The following AKAP9 variants were observed in gnomAD, a reference collection of about 807,000 sequenced individuals.
The protein encoded by AKAP9 is A-kinase anchor protein 9.
In AKAP9, 311 loss-of-function variants were observed where a neutral mutation model predicts 488.5. That is an observed-to-expected ratio of 0.64 (90% confidence interval 0.58 to 0.70). The LOEUF (loss-of-function observed/expected upper bound fraction) is 0.70. Among genes scored for constraint, AKAP9 ranks in the 30% least tolerant of loss-of-function variants. AKAP9 has a pLI of 0.00. For synonymous variants in AKAP9, 1,462 were observed against 1,483.5 expected (o/e 0.99, Z 0.33); for missense variants, 4,215 against 4,374.5 (o/e 0.96, Z 1.03).
At chr7:91,941,469 A>C (rs559014301) in intron 1 of AKAP9, among the ~76,000 whole-genome samples, 2 of 151,796 alleles carry the variant, frequency 1.3e-5, no homozygotes, top group Admixed American at 6.6e-5. Context: ...CCGATCTTTC[A>C]TTTTTTTAAG....
At chr7:92,100,729 T>C in intron 44 of AKAP9, 127 bp from the exon 45 acceptor site, 1 of 1,015,534 alleles carries the variant, frequency 9.8e-7, no homozygotes, top group Non-Finnish European at 1.5e-6. Context: ...TCAATTGAGA[T>C]TGGCTTTGAA....
intron 1 of AKAP9, among the ~76,000 whole-genome samples, chr7:91,966,287 C>G (rs1271719466): frequency 6.6e-6 from 1 of 152,060 alleles, no homozygotes; most frequent in African/African-American, 2.4e-5. Context: ...AGACCAATGT[C>G]CTAGAGTATT....
At chr7:92,109,200 T>C (rs1584611622) in intron 49 of AKAP9, 1 of 198,494 alleles carries the variant, frequency 5.0e-6, no homozygotes, top group African/African-American at 2.3e-5. Context: ...TTTAAAATAC[T>C]TTGTAAGGAT....
chr7:92,039,415 A>T, intron 17 of AKAP9, among the ~76,000 whole-genome samples: 1 of 152,228 alleles, frequency 6.6e-6, no homozygotes, highest in East Asian at 1.9e-4. Flanking sequence ...ATCTGTGAAT[A>T]AAAGATTTGC....
chr7:92,071,833 C>T (rs1563088485), intron 28 of AKAP9, among the ~76,000 whole-genome samples: 1 of 152,030 alleles, frequency 6.6e-6, no homozygotes, highest in Non-Finnish European at 1.5e-5. Context: ...TTCAGAAAAC[C>T]TGTAGATTAG....
chr7:91,998,048 G>A (rs1359442945), intron 7 of AKAP9, among the ~76,000 whole-genome samples: 2 of 152,044 alleles, frequency 1.3e-5, no homozygotes, highest in Admixed American at 1.3e-4. Context: ...CATGAGGGAG[G>A]AATGGTTTTG....
At chr7:92,057,475 A>G (rs7791138) in intron 22 of AKAP9, among the ~76,000 whole-genome samples, 68,428 of 151,868 alleles carry the variant, frequency 0.45, 16,542 homozygotes, top group African/African-American at 0.63. Context: ...TTTTGTGGGC[A>G]TATTAATTCA....
chr7:91,991,716 C>T (rs964507046), intron 3 of AKAP9, among the ~76,000 whole-genome samples: 2 of 152,136 alleles, frequency 1.3e-5, no homozygotes, highest in African/African-American at 4.8e-5. Flanking sequence ...CATGATCTGC[C>T]CGCCTCAGCC....
chr7:91,971,281 T>C (rs1003860826), intron 1 of AKAP9, among the ~76,000 whole-genome samples: 1 of 152,180 alleles, frequency 6.6e-6, no homozygotes, highest in Admixed American at 6.5e-5. Context: ...AATGATTCTT[T>C]CTGTTCAGCA....
chr7:91,960,574 A>T (rs998687687), intron 1 of AKAP9, among the ~76,000 whole-genome samples: 2 of 151,998 alleles, frequency 1.3e-5, no homozygotes, highest in African/African-American at 2.4e-5. Flanking sequence ...TTTAAATTAA[A>T]TTTTTTCTGT....
chr7:92,089,638 C>A, intron 38 of AKAP9, 109 bp downstream of exon 38: 1 of 1,194,354 alleles, frequency 8.4e-7, no homozygotes, highest in Non-Finnish European at 1.2e-6. Flanking sequence ...GTCACATTTT[C>A]TTCTCATTCT....
At chr7:91,969,652 A>G (rs1794816122) in intron 1 of AKAP9, among the ~76,000 whole-genome samples, 1 of 152,210 alleles carries the variant, frequency 6.6e-6, no homozygotes, top group East Asian at 1.9e-4. Context: ...CTTTATCATT[A>G]TATAATGACC....
Position 92,080,088 on chromosome 7 carries a change from G to T in AKAP9, c.7955G>T (p.Gly2652Val), listed in dbSNP as rs763008557. 2 of 1,586,490 alleles carry T rather than the reference G, an allele frequency of 1.3e-6. No individual in the cohort carries two copies. The highest frequency in any genetic ancestry group is 4.5e-5 in the East Asian group (2 of 44,676). The change falls in exon 31 of 50, where the codon GGC becomes GTC. Residue 2652 changes from glycine (G) to valine (V), a missense_variant. By Grantham distance (109) the Gly-to-Val change is moderately radical. Transcript: ENST00000356239. ...KLLELQKLLE[G>V]NEKKQREKEK... ...CTAGAACTACAGAAGCTATTGGAGG[G>T]CAATGAGAAAAAACAGAGAGAGAAA...
Position 92,108,629 on chromosome 7 carries a change from G to T in AKAP9, c.11682G>T (p.Gln3894His), listed in dbSNP as rs769718964. 18 of 1,614,046 alleles carry T rather than the reference G, an allele frequency of 1.1e-5. No homozygotes were observed. Among genetic ancestry groups the T allele is most frequent in the Non-Finnish European group, 1.5e-5 (18 of 1,180,034 alleles). The change falls in exon 49 of 50, where the codon CAG becomes CAT. Residue 3894 changes from glutamine to histidine, a missense_variant. Transcript: ENST00000356239. ...EALQRRLGTI[Q>H]SGSTTQFHAG... is the part of the protein sequence containing the mutation. The stretch of plus-strand genomic sequence containing the variant: ...TGCAAAGACGACTTGGAACTATACA[G>T]TCAGGTGCTCTGAGTTTAACCACAT...
chr7:92,032,367 A>G (rs1470104368), intron 16 of AKAP9, among the ~76,000 whole-genome samples: 2 of 151,964 alleles, frequency 1.3e-5, no homozygotes, highest in Non-Finnish European at 2.9e-5. Flanking sequence ...GTGGTGACGC[A>G]TGTCTGTAAT....
At chr7:92,043,802 T>C (rs1011660646) in intron 20 of AKAP9, among the ~76,000 whole-genome samples, 12 of 152,050 alleles carry the variant, frequency 7.9e-5, no homozygotes, top group African/African-American at 2.9e-4. Flanking sequence ...AGATATGTCA[T>C]GTGCCTGTGA....
chr7:92,094,693 C>T (rs1015416818), intron 39 of AKAP9, among the ~76,000 whole-genome samples: 2 of 151,804 alleles, frequency 1.3e-5, no homozygotes, highest in East Asian at 1.9e-4. Context: ...ATTAGCTGGG[C>T]GTGGTTGCGG....
Position 92,097,766 on chromosome 7 carries a change from C to T in AKAP9, c.10579C>T (p.Gln3527Ter). The T allele has an allele frequency of 6.2e-7, 1 of 1,614,196 alleles. No homozygotes were observed. The change falls in exon 42 of 50, where the codon CAG becomes TAG. Residue 3527 changes from glutamine (Q) to a stop codon, truncating the protein, a stop_gained. Coordinates refer to ENST00000356239, the MANE Select transcript of AKAP9 (RefSeq NM_005751.5). LOFTEE classifies it high-confidence loss of function. The part of the protein sequence containing the change: ...QKLQCVASKL[Q>*]VLPQKASERL... ...GCTTCAATGTGTAGCTTCAAAACTA[C>T]AGGTTCTACCCCAGAAAGCCTCTGA... is the stretch of plus-strand genomic sequence containing the variant.
intron 4 of AKAP9, 103 bp from the exon 5 acceptor site, chr7:91,992,782 G>C: frequency 9.3e-7 from 1 of 1,070,180 alleles, no homozygotes; most frequent in South Asian, 1.3e-5. Context: ...CAGGTGGTGA[G>C]TGATGTTTTA....
Sources: allele counts gnomAD v4.1 joint callset (sites outside exome capture counted in the v4.1 genomes callset), GRCh38; gene constraint gnomAD v4.1.1; transcripts MANE v1.5; gene names NCBI Gene and HGNC (gene_info 2026-07-23, HGNC 2026-07-21).